The following RBFOX1 variants were observed in gnomAD, a reference collection of about 807,000 sequenced individuals.
The protein encoded by RBFOX1 is RNA binding fox-1 homolog 1, also known as RNA binding protein fox-1 homolog 1.
In RBFOX1, 8 loss-of-function variants were observed where a neutral mutation model predicts 57.7. The ratio of observed to expected loss-of-function variants is 0.14; its 90% CI spans 0.08 to 0.25. The LOEUF (loss-of-function observed/expected upper bound fraction) is 0.25, where lower values mean the gene tolerates loss of function less well. RBFOX1 is among the 10% of genes least tolerant of loss of function. The pLI, the probability that RBFOX1 is intolerant of heterozygous loss-of-function variation, is 1.00. For synonymous variants in RBFOX1, 326 were observed against 222.4 expected, an observed-to-expected ratio of 1.47 and a Z score of -4.15; for missense variants, 611 against 548.5, an observed-to-expected ratio of 1.11 and a Z score of -1.14.
At chr16:7,112,163 A>G (rs983020902) in intron 4 of RBFOX1, among the ~76,000 whole-genome samples, 6 of 152,186 alleles carry the variant, frequency 3.9e-5, no homozygotes, top group Admixed American at 1.3e-4. Context: ...ATTCAGAATC[A>G]TACAAACTTT....
At chr16:6,842,619 A>G (rs1297480416) in intron 3 of RBFOX1, among the ~76,000 whole-genome samples, 1 of 147,380 alleles carries the variant, frequency 6.8e-6, no homozygotes, top group Non-Finnish European at 1.5e-5. Flanking sequence ...TCCTGCTGAC[A>G]GACATTTAGA....
intron 4 of RBFOX1, among the ~76,000 whole-genome samples, chr16:7,252,536 G>A (rs537457062): frequency 6.6e-6 from 1 of 152,290 alleles, no homozygotes; most frequent in African/African-American, 2.4e-5. Flanking sequence ...TTAAAAGTTG[G>A]AAGATCTGAC....
intron 2 of RBFOX1, among the ~76,000 whole-genome samples, chr16:6,617,346 C>T (rs1360246075): frequency 2.6e-5 from 4 of 152,034 alleles, no homozygotes; most frequent in Non-Finnish European, 4.4e-5. Flanking sequence ...TTGCCCTTAA[C>T]CTATACAGCA....
At chr16:6,314,844 A>G (rs185549758) in intron 1 of RBFOX1, among the ~76,000 whole-genome samples, 5 of 152,358 alleles carry the variant, frequency 3.3e-5, no homozygotes, top group Non-Finnish European at 7.3e-5. Flanking sequence ...AATCTCTAGA[A>G]GAGAACCATG....
At chr16:7,139,473 G>T (rs1600709875) in intron 4 of RBFOX1, among the ~76,000 whole-genome samples, 1 of 152,222 alleles carries the variant, frequency 6.6e-6, no homozygotes, top group African/African-American at 2.4e-5. Flanking sequence ...AAGAGAGGAG[G>T]AAAATCCTAA....
chr16:6,950,136 T>TA (rs1164336155), intron 3 of RBFOX1, among the ~76,000 whole-genome samples: 6 of 146,338 alleles, frequency 4.1e-5, no homozygotes, highest in South Asian at 2.2e-4. Context: ...TTTTTTTTTT[T>TA]AAGTAGCCAT....
chr16:6,664,546 T>G (rs778859082), intron 3 of RBFOX1, among the ~76,000 whole-genome samples: 10 of 152,182 alleles, frequency 6.6e-5, no homozygotes, highest in African/African-American at 1.2e-4. Context: ...CATTGTGTCC[T>G]TTTTCTCTGC....
At chr16:6,460,504 A>G (rs1000339029) in intron 2 of RBFOX1, among the ~76,000 whole-genome samples, 1 of 152,164 alleles carries the variant, frequency 6.6e-6, no homozygotes, top group African/African-American at 2.4e-5. Context: ...AAAGCTCAAC[A>G]TCAGCGATCA....
chr16:6,707,055 C>G (rs2062877169), intron 3 of RBFOX1, among the ~76,000 whole-genome samples: 1 of 152,186 alleles, frequency 6.6e-6, no homozygotes, highest in African/African-American at 2.4e-5. Flanking sequence ...GGGATAACCA[C>G]TGTCATCATT....
chr16:7,666,871 C>G (rs1283670514), intron 13 of RBFOX1, among the ~76,000 whole-genome samples: 1 of 152,124 alleles, frequency 6.6e-6, no homozygotes, highest in Non-Finnish European at 1.5e-5. Context: ...ATGTTTGGGC[C>G]AAGCCCACTG....
At chr16:5,335,775 C>T (rs954568649) in intron 1 of RBFOX1, among the ~76,000 whole-genome samples, 1 of 152,146 alleles carries the variant, frequency 6.6e-6, no homozygotes, top group East Asian at 1.9e-4. Context: ...AGCATAACCA[C>T]CTGGTACCTC....
intron 2 of RBFOX1, among the ~76,000 whole-genome samples, chr16:5,523,083 C>G (rs28781685): frequency 0.016 from 2,407 of 151,950 alleles, 66 homozygotes; most frequent in African/African-American, 0.055. Context: ...GTCAGGAGTT[C>G]GAGACTAGCC....
chr16:7,214,353 C>T (rs2091668399), intron 4 of RBFOX1, among the ~76,000 whole-genome samples: 1 of 152,292 alleles, frequency 6.6e-6, no homozygotes, highest in African/African-American at 2.4e-5. Context: ...CCTACTTTAG[C>T]AGATGGCATG....
intron 4 of RBFOX1, among the ~76,000 whole-genome samples, chr16:7,165,365 A>T (rs1422584875): frequency 7.6e-6 from 1 of 131,760 alleles, no homozygotes; most frequent in African/African-American, 2.8e-5. Context: ...TGGCTACTAG[A>T]GGCCCAGATC....
chr16:5,564,273 C>T (rs986159681), intron 2 of RBFOX1, among the ~76,000 whole-genome samples: 3 of 152,116 alleles, frequency 2.0e-5, no homozygotes, highest in Admixed American at 6.5e-5. Flanking sequence ...CTGCCTCACA[C>T]TCCTAAAGTG....
chr16:7,311,478 C>CTT (rs1190746565), intron 4 of RBFOX1, among the ~76,000 whole-genome samples: 59,049 of 122,398 alleles, frequency 0.48, 15,744 homozygotes, highest in East Asian at 0.88. Context: ...TGAGCCTTTT[C>CTT]TTTTTTTTTT....
chr16:5,640,569 GCA>G lies in RBFOX1; in HGVS notation c.318+41615_318+41616del, dbSNP rs200636421. 6.0e-3 allele frequency among the ~76,000 whole-genome samples: 894 copies of G among 149,732 alleles called. 8 individuals carry two copies. Among genetic ancestry groups the G allele is most frequent in the African/African-American group, 0.021 (839 of 40,564 alleles). ...ATACATGCATGCCATGCATACATAT[GCA>G]CACACATACACAGATGCACACCATG... is the stretch of plus-strand genomic sequence containing the variant. On this transcript the variant is annotated intron_variant, in intron 3 of 19. Transcript: ENST00000641259.
At chr16:5,460,143 C>T (rs556860687) in intron 1 of RBFOX1, among the ~76,000 whole-genome samples, 8 of 152,064 alleles carry the variant, frequency 5.3e-5, no homozygotes, top group Admixed American at 3.3e-4. Context: ...AGTGTAAAGT[C>T]GGCACAATGC....
At chr16:6,263,718 T>C (rs1341409138) in intron 1 of RBFOX1, among the ~76,000 whole-genome samples, 1 of 152,180 alleles carries the variant, frequency 6.6e-6, no homozygotes, top group African/African-American at 2.4e-5. Flanking sequence ...AATTTTCTTT[T>C]TGTTTGTAAA....
Sources: allele counts gnomAD v4.1 joint callset (sites outside exome capture counted in the v4.1 genomes callset), GRCh38; gene constraint gnomAD v4.1.1; transcripts MANE v1.5; gene names NCBI Gene and HGNC (gene_info 2026-07-23, HGNC 2026-07-21).